SPINT1: variants seen among roughly 807,000 people sequenced by gnomAD.
The protein encoded by SPINT1 is kunitz-type protease inhibitor 1.
Under a neutral mutation model 53.7 loss-of-function variants are expected in SPINT1, and 38 were observed. The observed-to-expected ratio is 0.71, with a 90% CI of 0.55 to 0.93. The LOEUF is 0.93. Among genes scored for constraint, SPINT1 ranks in the 40% least tolerant of loss-of-function variants. The pLI, the probability that SPINT1 is intolerant of heterozygous loss-of-function variation, is 0.00. For missense variants in SPINT1, 645 were observed against 692.9 expected (o/e 0.93, Z 0.78); for synonymous variants, 283 against 280.6 (o/e 1.01, Z -0.08).
At position 40,857,297 on chromosome 15, in the gene SPINT1, A is replaced by C; in HGVS notation, c.*322A>C. ...CCTACCCCATGGTGCTAGGAAGAGG[A>C]GTGGGGTGGTGTCAGACCCTGGAGG... On this transcript the variant is annotated 3_prime_UTR_variant, in exon 11 of 11. Transcript: ENST00000562057. 2.8e-6 allele frequency: 1 copy of C among 354,628 alleles called. No homozygotes were observed. The highest frequency in any genetic ancestry group is 5.2e-6 in the Non-Finnish European group (1 of 193,222). 22.0% of individuals were successfully genotyped at this position (354,628 alleles called of 1,614,324 possible). A position where few individuals can be genotyped will look rare whatever the true frequency, so the allele number is the denominator to read the frequency against.
rs1285978415 is a variant in SPINT1 at position 40,856,988 on chromosome 15, C to G, written c.*13C>G. On this transcript the variant is annotated 3_prime_UTR_variant, in exon 11 of 11. Coordinates refer to ENST00000562057, the MANE Select transcript of SPINT1 (RefSeq NM_003710.4). ...GCGGCCCCTCTGAGCCTGGGTCTCA[C>G]CGGCTCTCACCTGGCCCTGCTTCCT... The G allele has an allele frequency of 3.7e-6, 6 of 1,612,240 alleles. No individual in the cohort carries two copies. The highest frequency in any genetic ancestry group is 3.3e-5 in the Admixed American group (2 of 59,984).
At position 40,854,453 on chromosome 15, in the gene SPINT1, G is replaced by A. The variant is rs780369905; in HGVS notation, c.997G>A (p.Asp333Asn). ...QFRCSNGCCI[D>N]SFLECDDTPN... is the part of the protein sequence containing the mutation. ...CCGCTGCAGCAATGGCTGCTGCATC[G>A]ACAGTTTCCTGGAGTGTGACGACAC... is the stretch of plus-strand genomic sequence containing the variant. The change falls in exon 7 of 11, where the codon GAC (aspartate) becomes AAC (asparagine). Residue 333 changes from aspartate (D) to asparagine (N), a missense_variant. Coordinates refer to ENST00000562057, the MANE Select transcript of SPINT1 (RefSeq NM_003710.4). 26 of 1,613,196 alleles carry A rather than the reference G, an allele frequency of 1.6e-5. No individual in the cohort carries two copies. The Middle Eastern group carries it at 6.6e-4, about 41-fold the overall frequency.
At chr15:40,848,875 C>T (rs1432042516) in intron 2 of SPINT1, among the ~76,000 whole-genome samples, 2 of 151,660 alleles carry the variant, frequency 1.3e-5, no homozygotes, top group Non-Finnish European at 2.9e-5. Context: ...AAGGTTCCTT[C>T]TTAAGGAGAA....
Position 40,854,394 on chromosome 15 carries a change from C to T in SPINT1, c.941-3C>T. On this transcript the variant is annotated splice_region_variant and splice_polypyrimidine_tract_variant and intron_variant, in intron 6 of 10. Coordinates refer to ENST00000562057, the MANE Select transcript of SPINT1 (RefSeq NM_003710.4). ...GAGCCTGACCTCCCTTCCACCCGTC[C>T]AGTGTGCTCTGGCACCTGTCAGCCC... 6.4e-7 allele frequency: 1 copy of T among 1,571,902 alleles called. No homozygotes were observed.
rs1596141010 is a variant in SPINT1 at position 40,844,288 on chromosome 15, C to T, written c.-66+102C>T. On this transcript the variant is annotated intron_variant, in intron 1 of 10. Transcript: ENST00000562057. The surrounding 1 kb of genome is among the most constrained non-coding windows in gnomAD (Gnocchi z 5.8). ...TCGTGCGTGTGTCCGGGTACTTGAG[C>T]TCCCTAGCGGTCCGCCTGTCCGTCT... 7.1e-6 allele frequency: 4 copies of T among 563,842 alleles called. No homozygotes were observed. The highest frequency in any genetic ancestry group is 2.0e-5 in the South Asian group (1 of 49,788). The allele number at this position is 563,842 out of a possible 1,614,324, so 34.9% of individuals were successfully genotyped here. A position where few individuals can be genotyped will look rare whatever the true frequency, so the allele number is the denominator to read the frequency against.
chr15:40,847,596 G>T (rs1891333701), intron 2 of SPINT1, among the ~76,000 whole-genome samples: 1 of 152,140 alleles, frequency 6.6e-6, no homozygotes, highest in African/African-American at 2.4e-5. Flanking sequence ...GGCGGAGTCT[G>T]CACTTCCCTG....
At chr15:40,849,095 A>C (rs1269337485) in intron 2 of SPINT1, among the ~76,000 whole-genome samples, 2 of 152,000 alleles carry the variant, frequency 1.3e-5, no homozygotes, top group Admixed American at 6.6e-5. Flanking sequence ...AAATACAAAA[A>C]ATTAGCCGGG....
rs1308053710 is a variant in SPINT1 at position 40,853,541 on chromosome 15, T to C, written c.656T>C (p.Leu219Pro). ...ELWGLKEGTYLFQLTVTSSDH... is the reference protein window; with the variant it reads ...ELWGLKEGTYPFQLTVTSSDH... ...TGGGGACTCAAGGAAGGCACCTACC[T>C]GTTCCAGCTGACAGTGACTAGCTCA... Residue 219 changes from leucine to proline, a missense_variant, in exon 4 of 11, where the codon CTG (leucine) becomes CCG (proline). By Grantham distance (98) the Leu-to-Pro change is moderately conservative (BLOSUM62 -3). Coordinates refer to ENST00000562057, the MANE Select transcript of SPINT1 (RefSeq NM_003710.4). 6.2e-7 allele frequency: 1 copy of C among 1,614,102 alleles called. No homozygotes were observed. Among genetic ancestry groups the C allele is most frequent in the Admixed American group, 1.7e-5 (1 of 60,018 alleles).
chr15:40,845,071 A>T (rs1380092009), intron 2 of SPINT1, 42 bp downstream of exon 2: 2 of 1,513,252 alleles, frequency 1.3e-6, no homozygotes, highest in South Asian at 2.5e-5. Flanking sequence ...AGAGACTCAA[A>T]AAAGGGACTG....
In SPINT1 at chr15:40,849,260, AG is replaced by A. The variant is rs201275720; in HGVS notation, c.476-3863del. On this transcript the variant is annotated intron_variant, in intron 2 of 10. Transcript: ENST00000562057. ...CACTCCGTCTCAGGAAAAAAAAAAA[AG>A]AGAGAAATGGGGTCTCACTCTGTCA... 0.013 allele frequency among the ~76,000 whole-genome samples: 2,012 copies of A among 149,166 alleles called. 98 individuals carry two copies. In the East Asian group the frequency reaches 0.17, roughly 12 times the overall value.
chr15:40,847,931 C>T (rs947376954), intron 2 of SPINT1, among the ~76,000 whole-genome samples: 1 of 151,996 alleles, frequency 6.6e-6, no homozygotes, highest in African/African-American at 2.4e-5. Context: ...CCTCCCAGCT[C>T]GCTACTCCCT....
Position 40,844,434 on chromosome 15 carries a change from A to C in SPINT1, c.-65-56A>C, listed in dbSNP as rs116764060. ...CCTCCCGGCCGGCCCGCCTCCTCCA[A>C]AGTCTCCCGGGCTGATCAGGTGTGT... is the stretch of plus-strand genomic sequence containing the variant. On this transcript the variant is annotated intron_variant, in intron 1 of 10. Transcript: ENST00000562057. This position sits in a 1 kb window ranked among gnomAD's most constrained non-coding sequence, Gnocchi z 5.8. The C allele has an allele frequency of 1.3e-3, 1,355 of 1,065,262 alleles. 20 individuals are homozygous for C. The African/African-American group carries it at 0.02, about 16-fold the overall frequency. 66.0% of individuals were successfully genotyped at this position (1,065,262 alleles called of 1,614,324 possible).
chr15:40,856,680 C>G (rs1466496752), intron 10 of SPINT1, 90 bp from the exon 11 acceptor site: 1 of 1,577,340 alleles, frequency 6.3e-7, no homozygotes, highest in Non-Finnish European at 8.6e-7. Context: ...ACCTGGCATC[C>G]ATTTGACTTG....
intron 2 of SPINT1, among the ~76,000 whole-genome samples, chr15:40,849,539 G>A (rs1209104197): frequency 6.6e-6 from 1 of 152,196 alleles, no homozygotes; most frequent in Non-Finnish European, 1.5e-5. Context: ...ACCACACCCA[G>A]CCACCTTTTG....
chr15:40,844,762 A>C lies in SPINT1; in HGVS notation c.208A>C (p.Ser70Arg), dbSNP rs553670634. 5.7e-5 allele frequency: 92 copies of C among 1,611,710 alleles called. No individual in the cohort carries two copies. The South Asian group carries it at 9.2e-4, about 16-fold the overall frequency. ...CGTGCTGGACACCAACGCCTCGGTC[A>C]GCAACGGAGCTACCTTCCTGGAGTC... is the stretch of plus-strand genomic sequence containing the variant. ...GFVLDTNASV[S>R]NGATFLESPT... Residue 70 changes from serine to arginine, a missense_variant, in exon 2 of 11, where the codon AGC becomes CGC. Coordinates refer to ENST00000562057, the MANE Select transcript of SPINT1 (RefSeq NM_003710.4). The surrounding 1 kb of genome is among the most constrained non-coding windows in gnomAD (Gnocchi z 5.8).
Position 40,856,762 on chromosome 15 carries a change from T to G in SPINT1, c.1337-8T>G. On this transcript the variant is annotated splice_region_variant and splice_polypyrimidine_tract_variant and intron_variant, in intron 10 of 10. Transcript: ENST00000562057. ...GGGAGCCCCTTATTCTACCCCTTCTTCCCCCAGGCTCTGTGGAGATGGCTG... is the reference window on the plus strand; with the variant it reads ...GGGAGCCCCTTATTCTACCCCTTCTGCCCCCAGGCTCTGTGGAGATGGCTG... 6.2e-7 allele frequency: 1 copy of G among 1,613,896 alleles called. No homozygotes were observed. The highest frequency in any genetic ancestry group is 8.5e-7 in the Non-Finnish European group (1 of 1,179,980).
rs74970396 is a variant in SPINT1 at position 40,856,682 on chromosome 15, T to G, written c.1337-88T>G. 3,128 of 1,579,442 alleles carry G rather than the reference T, an allele frequency of 2.0e-3. 71 individuals are homozygous for G. In the African/African-American group the frequency reaches 0.039, roughly 19 times the overall value. Reference sequence around the variant, plus strand: ...CATGTCCTTCCATACCTGGCATCCATTTGACTTGGTCTCTTCCATAGATTG... The same window carrying G: ...CATGTCCTTCCATACCTGGCATCCAGTTGACTTGGTCTCTTCCATAGATTG... On this transcript the variant is annotated intron_variant, in intron 10 of 10. Coordinates refer to ENST00000562057, the MANE Select transcript of SPINT1 (RefSeq NM_003710.4).
intron 9 of SPINT1, 91 bp from the exon 10 acceptor site, chr15:40,856,185 G>A (rs2142017385): frequency 1.3e-6 from 2 of 1,596,568 alleles, no homozygotes; most frequent in African/African-American, 2.7e-5. Flanking sequence ...AGGAGTGGGA[G>A]AGGATGCCAG....
In SPINT1 at chr15:40,855,896, C is replaced by G; in HGVS notation, c.1122C>G (p.His374Gln). The G allele has an allele frequency of 6.2e-7, 1 of 1,613,890 alleles. No individual in the cohort carries two copies. The highest frequency in any genetic ancestry group is 1.1e-5 in the South Asian group (1 of 91,070). The change falls in exon 9 of 11, where the codon CAC (histidine) becomes CAG (glutamine). Residue 374 changes from histidine to glutamine, a missense_variant. Physicochemically the swap from His to Gln is conservative, Grantham distance 24 (BLOSUM62 0). Transcript: ENST00000562057. ...AGCCTACCCCATACCCCCCAGGGCA[C>G]TGCGTGGACCTGCCAGACACAGGAC... ...QRIHFPSDKG[H>Q]CVDLPDTGLC...
Sources: allele counts gnomAD v4.1 joint callset (sites outside exome capture counted in the v4.1 genomes callset), GRCh38; gene constraint gnomAD v4.1.1; non-coding constraint Gnocchi (gnomAD v3.1); transcripts MANE v1.5; gene names NCBI Gene and HGNC (gene_info 2026-07-23, HGNC 2026-07-21).